Variants in GCA observed in about 807,000 individuals in gnomAD.
GCA encodes the protein grancalcin, EF-hand calcium-binding protein.
Under a neutral mutation model 32.6 loss-of-function variants are expected in GCA, and 30 were observed. The observed-to-expected ratio is 0.92, with a 90% confidence interval of 0.69 to 1.25. The LOEUF is 1.25. Ranked by LOEUF, GCA falls within the 50% of genes most tolerant of loss-of-function variation. The pLI is 0.00. For synonymous variants in GCA, 102 were observed against 84.6 expected, an observed-to-expected ratio of 1.21 and a Z score of -1.13; for missense variants, 291 against 266.8, an observed-to-expected ratio of 1.09 and a Z score of -0.63.
rs778502564 is a variant in GCA at position 162,352,380 on chromosome 2, C to G, written c.235C>G (p.Gln79Glu). Residue 79 changes from glutamine (Q) to glutamate (E), a missense_variant, in exon 3 of 8, where the codon CAG becomes GAG. Transcript: ENST00000437150. ...TGAAGAACTTCAGAGATGTTTGACA[C>G]AGTCTGGAATTAATGGAACTTACTC... The part of the protein sequence containing the change: ...DAEELQRCLT[Q>E]SGINGTYSPF... The G allele has an allele frequency of 5.0e-6, 8 of 1,592,184 alleles. No individual in the cohort carries two copies. Among genetic ancestry groups the G allele is most frequent in the Non-Finnish European group, 6.9e-6 (8 of 1,160,376 alleles).
intron 3 of GCA, among the ~76,000 whole-genome samples, chr2:162,354,294 T>A (rs562195219): frequency 6.6e-6 from 1 of 152,344 alleles, no homozygotes; most frequent in South Asian, 2.1e-4. Flanking sequence ...ACTCTGGGTG[T>A]CAGTATCTTT....
intron 3 of GCA, among the ~76,000 whole-genome samples, chr2:162,355,068 C>A (rs1447483088): frequency 6.6e-6 from 1 of 152,116 alleles, no homozygotes; most frequent in Non-Finnish European, 1.5e-5. Flanking sequence ...TTTACTTGCC[C>A]AAAAGAGGAA....
At position 162,333,318 on chromosome 2, in the gene GCA, T is replaced by C. The variant is rs1215730581; in HGVS notation, c.-31+14093T>C. ...TTTATTAAGATCACAAATTATACCA[T>C]ATTTTATAATGTAAATGTATACTGC... On this transcript the variant is annotated intron_variant, in intron 1 of 4. Coordinates refer to the GCA transcript ENST00000429691. 5.9e-5 allele frequency among the ~76,000 whole-genome samples: 9 copies of C among 152,140 alleles called. No individual in the cohort carries two copies. In the East Asian group the frequency reaches 1.5e-3, roughly 26 times the overall value.
At chr2:162,352,655 T>A (rs1576291513) in intron 3 of GCA, among the ~76,000 whole-genome samples, 1 of 152,290 alleles carries the variant, frequency 6.6e-6, no homozygotes, top group Non-Finnish European at 1.5e-5. Context: ...TGAAATTTGC[T>A]TCCAGATTTC....
rs953187498 is a variant in GCA at position 162,328,976 on chromosome 2, A to G, written c.-31+9751A>G. Among the ~76,000 whole-genome samples, 13 of 152,142 alleles carry G rather than the reference A, an allele frequency of 8.5e-5. 1 individual carries two copies. The highest frequency in any genetic ancestry group is 2.7e-4 in the African/African-American group (11 of 41,430). ...CCGCATCATTCTGCTTCTGCTGGTC[A>G]GTGGCCTGGCAGCATTCTGGTGCCT... On this transcript the variant is annotated intron_variant, in intron 1 of 4. Coordinates refer to the GCA transcript ENST00000429691.
chr2:162,371,359 A>G, exon 5 of GCA: 1 of 1,288,682 alleles, frequency 7.8e-7, no homozygotes, highest in Non-Finnish European at 1.0e-6. Context: ...AAAGACCTGA[A>G]TCTGTGTGCA....
chr2:162,337,332 T>C (rs1196929570), intron 1 of GCA, among the ~76,000 whole-genome samples: 1 of 152,190 alleles, frequency 6.6e-6, no homozygotes, highest in Non-Finnish European at 1.5e-5. Flanking sequence ...ATTCTATCCA[T>C]GTTTTGATAA....
chr2:162,366,670 G>C (rs1180103395), downstream of GCA, among the ~76,000 whole-genome samples: 1 of 151,882 alleles, frequency 6.6e-6, no homozygotes, highest in Non-Finnish European at 1.5e-5. Flanking sequence ...ATCGTAAGTA[G>C]AACCACAAGA....
chr2:162,359,502 A>G lies in GCA; in HGVS notation c.577A>G (p.Arg193Gly). The G allele has an allele frequency of 2.0e-6, 3 of 1,498,398 alleles. No individual in the cohort carries two copies. The highest frequency in any genetic ancestry group is 2.8e-6 in the Non-Finnish European group (3 of 1,087,020). 92.8% of individuals were successfully genotyped at this position (1,498,398 alleles called of 1,614,324 possible). A position where few individuals can be genotyped will look rare whatever the true frequency, so the allele number is the denominator to read the frequency against. Residue 193 changes from arginine to glycine, a missense_variant, in exon 7 of 8, where the codon AGG becomes GGG. Transcript: ENST00000437150. ...VKLRALTDFF[R>G]KRDHLQQGSA... ...AATTTCTTTGTTTAAAGATTTCTTT[A>G]GGAAAAGAGACCACTTGCAACAAGG...
At chr2:162,331,225 G>A (rs980409363) in intron 1 of GCA, among the ~76,000 whole-genome samples, 3 of 152,206 alleles carry the variant, frequency 2.0e-5, no homozygotes, top group African/African-American at 7.2e-5. Context: ...GCAGAGCACT[G>A]CCTTGTTTGA....
chr2:162,354,648 T>C (rs1685170958), intron 3 of GCA, among the ~76,000 whole-genome samples: 1 of 152,184 alleles, frequency 6.6e-6, no homozygotes, highest in Admixed American at 6.5e-5. Context: ...TCTTTGGCAT[T>C]TGGGGTCTTC....
intron 4 of GCA, 103 bp from the exon 5 acceptor site, chr2:162,356,655 T>G: frequency 1.1e-6 from 1 of 904,376 alleles, no homozygotes; most frequent in Non-Finnish European, 1.7e-6. Flanking sequence ...GTTCATATAA[T>G]GAGTTTGGCT....
At chr2:162,328,517 G>C (rs931362393) in intron 1 of GCA, among the ~76,000 whole-genome samples, 26 of 152,296 alleles carry the variant, frequency 1.7e-4, no homozygotes, top group African/African-American at 6.3e-4. Flanking sequence ...TGAGCCCCCA[G>C]TTGAGACAGG....
At chr2:162,345,666 T>C (rs920070180) in intron 1 of GCA, among the ~76,000 whole-genome samples, 1 of 152,234 alleles carries the variant, frequency 6.6e-6, no homozygotes, top group African/African-American at 2.4e-5. Flanking sequence ...TTTCAGCTGT[T>C]GTCATGCTCA....
intron 2 of GCA, among the ~76,000 whole-genome samples, chr2:162,350,604 A>G (rs1684941927): frequency 1.3e-5 from 2 of 152,234 alleles, no homozygotes. Context: ...CATTCATCAT[A>G]TAAAATTACA....
At chr2:162,339,190 T>C (rs1489345450), upstream of GCA, among the ~76,000 whole-genome samples, 1 of 152,182 alleles carries the variant, frequency 6.6e-6, no homozygotes, top group African/African-American at 2.4e-5. Flanking sequence ...AGAAAGATAC[T>C]GAAAGGAACA....
intron 1 of GCA, among the ~76,000 whole-genome samples, chr2:162,346,195 C>G (rs561557247): frequency 6.6e-6 from 1 of 152,210 alleles, no homozygotes; most frequent in East Asian, 1.9e-4. Context: ...TTGTATTATA[C>G]AAGCTTCAGT....
At chr2:162,357,984 A>G (rs1201759760) in intron 5 of GCA, among the ~76,000 whole-genome samples, 1 of 151,716 alleles carries the variant, frequency 6.6e-6, no homozygotes, top group Non-Finnish European at 1.5e-5. Context: ...ATGAAGTTCA[A>G]AATATATTTG....
At chr2:162,344,041 C>T, upstream of GCA, 1 of 608,474 alleles carries the variant, frequency 1.6e-6, no homozygotes, top group South Asian at 1.9e-5. Context: ...GCTGAGTTGG[C>T]TCCAAAGTGT....
Sources: allele counts gnomAD v4.1 joint callset (sites outside exome capture counted in the v4.1 genomes callset), GRCh38; gene constraint gnomAD v4.1.1; transcripts MANE v1.5; gene names NCBI Gene and HGNC (gene_info 2026-07-23, HGNC 2026-07-21).